The following MEX3B variants were observed in gnomAD, a reference collection of about 807,000 sequenced individuals.
MEX3B encodes the protein RNA-binding protein MEX3B.
In MEX3B, 10 loss-of-function variants were observed where a neutral mutation model predicts 12.2. The observed-to-expected ratio is 0.82, with a 90% CI of 0.51 to 1.40. MEX3B has a LOEUF of 1.40. Among genes scored for constraint, MEX3B ranks in the 40% most tolerant of loss-of-function variants. The probability of loss-of-function intolerance (pLI) is 0.00; values close to 1 mark genes in which losing one functional copy is unlikely to be tolerated. For synonymous variants in MEX3B, 498 were observed against 356.3 expected (o/e 1.40, Z -4.48); for missense variants, 839 against 801.4 (o/e 1.05, Z -0.57).
In MEX3B at chr15:82,043,297, C is replaced by T. The variant is rs146864462; in HGVS notation, c.1573G>A (p.Glu525Lys). ...SRDCSVCFES[E>K]VIAALVPCGH... ...CAGGGCACCAGCGCGGCAATCACTT[C>T]GCTCTCGAAGCACACGGAGCAGTCG... is the stretch of plus-strand genomic sequence containing the variant. Residue 525 changes from glutamate to lysine, a missense_variant, in exon 2 of 2, where the codon GAA becomes AAA. This residue lies in a region of MEX3B where 573 missense variants were observed against 488.9 expected (regional missense o/e 1.17). Coordinates refer to ENST00000329713, the MANE Select transcript of MEX3B (RefSeq NM_032246.6). The T allele has an allele frequency of 6.2e-6, 10 of 1,611,684 alleles. No homozygotes were observed. In the African/African-American group the frequency reaches 1.2e-4, roughly 19 times the overall value.
rs780569244 is a variant in MEX3B, at chr15:82,042,920, C to T, written c.*240G>A. The T allele has an allele frequency of 2.7e-6, 1 of 375,118 alleles. No individual in the cohort carries two copies. The highest frequency in any genetic ancestry group is 4.7e-6 in the Non-Finnish European group (1 of 211,342). The allele number at this position is 375,118 out of a possible 1,614,324, so 23.2% of individuals were successfully genotyped here. ...ATGCATTTCAGGTGTTCAGGTTTCCCAGGCTACAGTACTCTTGATGCAGAT... is the reference window on the plus strand; with the variant it reads ...ATGCATTTCAGGTGTTCAGGTTTCCTAGGCTACAGTACTCTTGATGCAGAT... On this transcript the variant is annotated 3_prime_UTR_variant, in exon 2 of 2. Transcript: ENST00000329713.
In MEX3B at chr15:82,044,011, C is replaced by T; in HGVS notation, c.859G>A (p.Asp287Asn). The part of the protein sequence containing the change: ...GRKPFSSYRN[D>N]SSSSLGSAST... The stretch of plus-strand genomic sequence containing the variant: ...GCACTGCCAAGCGAGCTGGAGCTGT[C>T]GTTGCGGTAGCTAGAGAAAGGCTTG... The change falls in exon 2 of 2, where the codon GAC becomes AAC. Residue 287 changes from aspartate to asparagine, a missense_variant. Asp to Asn is a conservative substitution (Grantham distance 23, BLOSUM62 1). Transcript: ENST00000329713. The surrounding 1 kb of genome is among the most constrained non-coding windows in gnomAD (Gnocchi z 5.3). 6.2e-7 allele frequency: 1 copy of T among 1,605,094 alleles called. No homozygotes were observed. The highest frequency in any genetic ancestry group is 8.5e-7 in the Non-Finnish European group (1 of 1,178,972).
chr15:82,043,413 T>G lies in MEX3B; in HGVS notation c.1457A>C (p.Gln486Pro), dbSNP rs1258465533. The G allele has an allele frequency of 1.1e-5, 17 of 1,576,512 alleles. No homozygotes were observed. Among genetic ancestry groups the G allele is most frequent in the Admixed American group, 1.8e-5 (1 of 54,534 alleles). ...GGAGGAGCCCGACGTGTCCGACGGCTGCAAGCCAGGCAGCTGTGCCCCCAG... is the reference window on the plus strand; with the variant it reads ...GGAGGAGCCCGACGTGTCCGACGGCGGCAAGCCAGGCAGCTGTGCCCCCAG... Reference protein sequence around the residue: ...NGLGAQLPGLQPSDTSGSSSS... With the variant: ...NGLGAQLPGLPPSDTSGSSSS... Residue 486 changes from glutamine to proline, a missense_variant, in exon 2 of 2, where the codon CAG becomes CCG. By Grantham distance (76) the Gln-to-Pro change is moderately conservative. This residue lies in a region of MEX3B where 573 missense variants were observed against 488.9 expected (regional missense o/e 1.17). Transcript: ENST00000329713.
At position 82,044,566 on chromosome 15, in the gene MEX3B, T is replaced by C; in HGVS notation, c.304A>G (p.Thr102Ala). 1 of 1,613,904 alleles carries C rather than the reference T, an allele frequency of 6.2e-7. No homozygotes were observed. The change falls in exon 2 of 2, where the codon ACC (threonine) becomes GCC (alanine). Residue 102 changes from threonine to alanine, a missense_variant. Thr to Ala is a moderately conservative substitution (Grantham distance 58). Around this residue, in one of 3 missense-constraint regions of MEX3B, gnomAD observed 214 missense variants for 223.8 expected, o/e 0.96. Transcript: ENST00000329713. This position sits in a 1 kb window ranked among gnomAD's most constrained non-coding sequence, Gnocchi z 5.3. ...LRAKTNTYIK[T>A]PVRGEEPVFV... ...ACAGGCTCCTCCCCGCGAACTGGGG[T>C]CTTGATGTAAGTATTGGTCTTCGCC...
In MEX3B at chr15:82,045,665, CTGCCGT is replaced by C. The variant is rs771705730; in HGVS notation, c.35_40del (p.Asn12_Gly13del). The C allele has an allele frequency of 1.5e-5, 24 of 1,555,828 alleles. No individual in the cohort carries two copies. Among genetic ancestry groups the C allele is most frequent in the Admixed American group, 3.7e-5 (2 of 53,936 alleles). ...GCTGCTGCCGCCGCCGCCGCCGCCG[CTGCCGT>C]TGCGCTCCAGGTCTGCGAACAGCGA... On this transcript the variant is annotated inframe_deletion, in exon 1 of 2. Coordinates refer to ENST00000329713, the MANE Select transcript of MEX3B (RefSeq NM_032246.6).
rs750587680 is a variant in MEX3B at position 82,043,583 on chromosome 15, G to A, written c.1287C>T (p.His429=). 20 of 1,573,312 alleles carry A rather than the reference G, an allele frequency of 1.3e-5. No individual in the cohort carries two copies. The highest frequency in any genetic ancestry group is 2.3e-5 in the East Asian group (1 of 43,082). The part of the protein sequence containing the change: ...PSNANLGLLV[H]RRLHPGTSCP... ...AGCTGGTGCCAGGGTGCAGCCGGCG[G>A]TGCACCAATAGCCCCAGGTTGGCGT... is the stretch of plus-strand genomic sequence containing the variant. The change falls in exon 2 of 2, where the codon CAC becomes CAT. Residue 429 remains histidine (H), a synonymous_variant. Transcript: ENST00000329713.
chr15:82,044,387 G>GA lies in MEX3B; in HGVS notation c.482_483insT (p.Thr162HisfsTer40). 2 of 1,611,176 alleles carry GA rather than the reference G, an allele frequency of 1.2e-6. No individual in the cohort carries two copies. Among genetic ancestry groups the GA allele is most frequent in the Middle Eastern group, 1.7e-4 (1 of 6,060 alleles). On this transcript the variant is annotated frameshift_variant, in exon 2 of 2. Transcript: ENST00000329713. LOFTEE classifies it low-confidence loss of function (END_TRUNC). The surrounding 1 kb of genome is among the most constrained non-coding windows in gnomAD (Gnocchi z 5.3). The stretch of plus-strand genomic sequence containing the variant: ...GGTAGGGTACCCGCACTTGGATGGT[G>GA]GTCTGCCCGGGCAGGTTGGGCGGCC...
Position 82,043,616 on chromosome 15 carries a change from C to G in MEX3B, c.1254G>C (p.Ala418=), listed in dbSNP as rs373975495. 10 of 1,598,132 alleles carry G rather than the reference C, an allele frequency of 6.3e-6. No individual in the cohort carries two copies. The East Asian group carries it at 2.3e-4, about 36-fold the overall frequency. Residue 418 remains alanine, a synonymous_variant, in exon 2 of 2, where the codon GCG becomes GCC. Transcript: ENST00000329713. ...SVVFPGGGAS[A]PSNANLGLLV... is the part of the protein sequence containing the mutation. The stretch of plus-strand genomic sequence containing the variant: ...ATAGCCCCAGGTTGGCGTTGGAGGG[C>G]GCACTGGCGCCACCCCCGGGGAAGA...
intron 1 of MEX3B, chr15:82,045,195 T>C (rs1451063596): frequency 3.2e-6 from 2 of 624,638 alleles, no homozygotes; most frequent in South Asian, 1.8e-5. Flanking sequence ...GGAGGTGGGC[T>C]GGTTGGGGGG....
In MEX3B at chr15:82,043,971, T is replaced by C. The variant is rs2073238961; in HGVS notation, c.899A>G (p.Tyr300Cys). Residue 300 changes from tyrosine (Y) to cysteine (C), a missense_variant, in exon 2 of 2, where the codon TAT (tyrosine) becomes TGT (cysteine). By Grantham distance (194) the Tyr-to-Cys change is radical (BLOSUM62 -2). Coordinates refer to ENST00000329713, the MANE Select transcript of MEX3B (RefSeq NM_032246.6). Reference sequence around the variant, plus strand: ...GCTGCTGCTGGTCCCGCCGCCGAAATAAGAGTCTGTGGAAGCACTGCCAAG... The same window carrying C: ...GCTGCTGCTGGTCCCGCCGCCGAAACAAGAGTCTGTGGAAGCACTGCCAAG... ...SSLGSASTDS[Y>C]FGGGTSSSAA... The C allele has an allele frequency of 6.2e-7, 1 of 1,608,622 alleles. No individual in the cohort carries two copies. Among genetic ancestry groups the C allele is most frequent in the Admixed American group, 1.7e-5 (1 of 59,890 alleles).
rs1195546615 is a variant in MEX3B at position 82,041,978 on chromosome 15, T to C, written c.*1182A>G. 6.6e-6 allele frequency: 1 copy of C among 152,634 alleles called. No homozygotes were observed. Among genetic ancestry groups the C allele is most frequent in the African/African-American group, 2.4e-5 (1 of 41,460 alleles). 9.5% of individuals were successfully genotyped at this position (152,634 alleles called of 1,614,324 possible). A position where few individuals can be genotyped will look rare whatever the true frequency, so the allele number is the denominator to read the frequency against. The stretch of plus-strand genomic sequence containing the variant: ...AGGCCCTTTATCATAAAATAAAATA[T>C]ACTTTGTTTTTTAAACTTTGCTCAG... On this transcript the variant is annotated 3_prime_UTR_variant, in exon 2 of 2. Transcript: ENST00000329713.
In MEX3B at chr15:82,044,662, C is replaced by G. The variant is rs955985626; in HGVS notation, c.257-49G>C. 2 of 1,590,522 alleles carry G rather than the reference C, an allele frequency of 1.3e-6. No homozygotes were observed. The highest frequency in any genetic ancestry group is 2.7e-5 in the African/African-American group (2 of 74,474). On this transcript the variant is annotated intron_variant, in intron 1 of 1. Coordinates refer to ENST00000329713, the MANE Select transcript of MEX3B (RefSeq NM_032246.6). The surrounding 1 kb of genome is among the most constrained non-coding windows in gnomAD (Gnocchi z 5.3). Reference sequence around the variant, plus strand: ...GGAGTGGGAGAGAGAGACAGACACGCCCATTATCCTGGGGTAACCGCGGGG... The same window carrying G: ...GGAGTGGGAGAGAGAGACAGACACGGCCATTATCCTGGGGTAACCGCGGGG...
At position 82,043,114 on chromosome 15, in the gene MEX3B, T is replaced by C. The variant is rs781394684; in HGVS notation, c.*46A>G. On this transcript the variant is annotated 3_prime_UTR_variant, in exon 2 of 2. Coordinates refer to ENST00000329713, the MANE Select transcript of MEX3B (RefSeq NM_032246.6). ...GCTGGGGAAAGAGGGTGGGGAGGGG[T>C]TCCCCCTTCCCCCAGCACGGTGCGC... 17 of 1,410,730 alleles carry C rather than the reference T, an allele frequency of 1.2e-5. No individual in the cohort carries two copies. The highest frequency in any genetic ancestry group is 1.6e-5 in the Non-Finnish European group (17 of 1,079,200). 87.4% of individuals were successfully genotyped at this position (1,410,730 alleles called of 1,614,324 possible).
Position 82,043,938 on chromosome 15 carries a change from G to A in MEX3B, c.932C>T (p.Ala311Val). 1.2e-6 allele frequency: 2 copies of A among 1,605,164 alleles called. No individual in the cohort carries two copies. The highest frequency in any genetic ancestry group is 1.7e-6 in the Non-Finnish European group (2 of 1,178,300). Reference sequence around the variant, plus strand: ...GCTGTAGTCCGCCAGGCGCTGGGTAGCCGCTGCGCTGCTGCTGGTCCCGCC... The same window carrying A: ...GCTGTAGTCCGCCAGGCGCTGGGTAACCGCTGCGCTGCTGCTGGTCCCGCC... ...FGGGTSSSAA[A>V]TQRLADYSPP... Residue 311 changes from alanine (A) to valine (V), a missense_variant, in exon 2 of 2, where the codon GCT (alanine) becomes GTT (valine). This residue lies in a region of MEX3B where 573 missense variants were observed against 488.9 expected (regional missense o/e 1.17). Transcript: ENST00000329713.
intron 1 of MEX3B, chr15:82,045,007 G>A (rs879108434): frequency 5.1e-6 from 3 of 585,218 alleles, no homozygotes; most frequent in East Asian, 2.8e-5. Flanking sequence ...CTGGTCGACT[G>A]GGGGTAGGGG....
Position 82,044,030 on chromosome 15 carries a change from A to T in MEX3B, c.840T>A (p.Pro280=). The change falls in exon 2 of 2, where the codon CCT becomes CCA. Residue 280 remains proline, a synonymous_variant. Transcript: ENST00000329713. This position sits in a 1 kb window ranked among gnomAD's most constrained non-coding sequence, Gnocchi z 5.3. The stretch of plus-strand genomic sequence containing the variant: ...AGCTGTCGTTGCGGTAGCTAGAGAA[A>T]GGCTTGCGGCCGGGGGTGGGCGTGA... ...PSITPTPGRK[P]FSSYRNDSSS... is the part of the protein sequence containing the mutation. 1 of 1,582,928 alleles carries T rather than the reference A, an allele frequency of 6.3e-7. No homozygotes were observed. The highest frequency in any genetic ancestry group is 8.5e-7 in the Non-Finnish European group (1 of 1,171,170).
At position 82,041,923 on chromosome 15, in the gene MEX3B, TATA is replaced by T. The variant is rs974104786; in HGVS notation, c.*1234_*1236del. 3.3e-5 allele frequency: 5 copies of T among 152,546 alleles called. No individual in the cohort carries two copies. The highest frequency in any genetic ancestry group is 2.1e-4 in the South Asian group (1 of 4,824). 9.4% of individuals were successfully genotyped at this position (152,546 alleles called of 1,614,324 possible). A position where few individuals can be genotyped will look rare whatever the true frequency, so the allele number is the denominator to read the frequency against. On this transcript the variant is annotated 3_prime_UTR_variant, in exon 2 of 2. Coordinates refer to ENST00000329713, the MANE Select transcript of MEX3B (RefSeq NM_032246.6). ...CAATTTCAAATCTTGTCTCAGCAAA[TATA>T]ATATTAGTATTTGACCATGAGGTTA...
In MEX3B at chr15:82,043,585, G is replaced by GCAC. The variant is rs751795403; in HGVS notation, c.1282_1284dup (p.Val428dup). On this transcript the variant is annotated inframe_insertion, in exon 2 of 2. Coordinates refer to ENST00000329713, the MANE Select transcript of MEX3B (RefSeq NM_032246.6). ...CTGGTGCCAGGGTGCAGCCGGCGGT[G>GCAC]CACCAATAGCCCCAGGTTGGCGTTG... The GCAC allele has an allele frequency of 4.4e-6, 7 of 1,575,314 alleles. No individual in the cohort carries two copies. Among genetic ancestry groups the GCAC allele is most frequent in the Non-Finnish European group, 6.0e-6 (7 of 1,162,500 alleles).
rs1156286342 is a variant in MEX3B at position 82,042,563 on chromosome 15, A to G, written c.*597T>C. ...TTTAAAACTTTTAAACGTTTTTAAT[A>G]TATAAGAGATATGTTACAGTTTCTT... is the stretch of plus-strand genomic sequence containing the variant. On this transcript the variant is annotated 3_prime_UTR_variant, in exon 2 of 2. Transcript: ENST00000329713. 6.6e-6 allele frequency: 1 copy of G among 152,644 alleles called. No individual in the cohort carries two copies. Among genetic ancestry groups the G allele is most frequent in the Non-Finnish European group, 1.5e-5 (1 of 68,050 alleles). The allele number at this position is 152,644 out of a possible 1,614,324, so 9.5% of individuals were successfully genotyped here.
Sources: gnomAD v4.1 joint callset for allele counts on GRCh38, gnomAD v4.1.1 for gene constraint, gnomAD v4.1.1 regional missense constraint, Gnocchi (gnomAD v3.1) non-coding constraint, MANE v1.5 for transcripts, NCBI Gene and HGNC (gene_info 2026-07-23, HGNC 2026-07-21) for gene names.